The following KRT8 variants were observed in gnomAD, a reference collection of about 807,000 sequenced individuals.
KRT8 encodes keratin 8, also known as keratin, type II cytoskeletal 8.
In KRT8, 24 loss-of-function variants were observed where a neutral mutation model predicts 43.0. The ratio of observed to expected loss-of-function variants is 0.56; its 90% CI spans 0.40 to 0.78. KRT8 has a LOEUF of 0.78. Ranked by LOEUF, KRT8 falls within the 30% of genes least tolerant of loss-of-function variation. The pLI, the probability that KRT8 is intolerant of heterozygous loss-of-function variation, is 0.00. For synonymous variants in KRT8, 214 were observed against 261.2 expected (o/e 0.82, Z 1.74); for missense variants, 492 against 638.4 (o/e 0.77, Z 2.47).
chr12:52,902,490 G>T (rs952471797), intron 1 of KRT8, among the ~76,000 whole-genome samples: 8 of 152,002 alleles, frequency 5.3e-5, no homozygotes, highest in African/African-American at 1.9e-4. Context: ...CCATTCTCCT[G>T]CCCCTGCCTC....
At chr12:52,925,425 A>G (rs1284913754) in intron 2 of KRT8, among the ~76,000 whole-genome samples, 2 of 152,138 alleles carry the variant, frequency 1.3e-5, no homozygotes, top group Non-Finnish European at 2.9e-5. Context: ...GCACTTAGGT[A>G]TGAATGGCGC....
At chr12:52,915,377 A>AG (rs888701446) in intron 2 of KRT8, among the ~76,000 whole-genome samples, 1 of 151,224 alleles carries the variant, frequency 6.6e-6, no homozygotes, top group Non-Finnish European at 1.5e-5. Flanking sequence ...CCATCTCAAA[A>AG]AAAAAAAAAA....
chr12:52,918,266 A>G (rs1305616475), intron 2 of KRT8, among the ~76,000 whole-genome samples: 1 of 151,690 alleles, frequency 6.6e-6, no homozygotes, highest in Non-Finnish European at 1.5e-5. Context: ...GAAACAAAAC[A>G]GAGTCTGCGT....
intron 2 of KRT8, among the ~76,000 whole-genome samples, chr12:52,943,887 T>C (rs1294688246): frequency 1.3e-5 from 2 of 152,142 alleles, no homozygotes; most frequent in Non-Finnish European, 2.9e-5. Context: ...GATCTGGAGA[T>C]AGGTTCTTGG....
chr12:52,925,204 G>A (rs140235021), intron 2 of KRT8, among the ~76,000 whole-genome samples: 103 of 152,336 alleles, frequency 6.8e-4, no homozygotes, highest in Non-Finnish European at 1.3e-3. Flanking sequence ...GACTGAGTAA[G>A]ACAAGGTCAG....
intron 2 of KRT8, among the ~76,000 whole-genome samples, chr12:52,917,708 C>CAA (rs535303270): frequency 3.3e-5 from 1 of 29,956 alleles, no homozygotes; most frequent in Non-Finnish European, 5.7e-5. Context: ...GACTCTGTCT[C>CAA]AAAAAAAAAA....
rs376003217 is a variant in KRT8, at chr12:52,942,105, C to G, written c.-47+7351G>C. Among the ~76,000 whole-genome samples the G allele has an allele frequency of 4.6e-5, 7 of 152,030 alleles. No individual in the cohort carries two copies. In the East Asian group the frequency reaches 1.3e-3, roughly 29 times the overall value. ...ATTATTATTGTCTAGTTGTATTTAT[C>G]TTTGTATTCCCAGGTCACTATTGGT... On this transcript the variant is annotated intron_variant, in intron 2 of 6. Transcript: ENST00000546826.
intron 2 of KRT8, among the ~76,000 whole-genome samples, chr12:52,918,212 A>AAGAAGAAGAAGAAGG (rs1941809797): frequency 2.3e-5 from 3 of 132,792 alleles, no homozygotes; most frequent in Non-Finnish European, 5.0e-5. Flanking sequence ...GAACAAGAAG[A>AAGAAGAAGAAGAAGG]AGAAGAAGAA....
intron 2 of KRT8, among the ~76,000 whole-genome samples, chr12:52,945,724 G>A (rs763785526): frequency 6.6e-6 from 1 of 152,098 alleles, no homozygotes; most frequent in East Asian, 1.9e-4. Flanking sequence ...GACTGATGGT[G>A]GGTGGAGAAC....
chr12:52,944,767 C>A (rs1942318707), intron 2 of KRT8, among the ~76,000 whole-genome samples: 1 of 152,206 alleles, frequency 6.6e-6, no homozygotes, highest in Non-Finnish European at 1.5e-5. Flanking sequence ...AGTGTCAGGG[C>A]ATTCCTCGAC....
chr12:52,917,757 T>C (rs1453195431), intron 2 of KRT8, among the ~76,000 whole-genome samples: 1 of 149,560 alleles, frequency 6.7e-6, no homozygotes, highest in Non-Finnish European at 1.5e-5. Context: ...CAGGTGCCTG[T>C]AGTCCCAGCT....
At chr12:52,949,413 G>A (rs769130435) in intron 2 of KRT8, 35 of 1,612,630 alleles carry the variant, frequency 2.2e-5, no homozygotes, top group Non-Finnish European at 3.0e-5. Context: ...TCCAGAACGA[G>A]AAGGAGACCA....
intron 2 of KRT8, chr12:52,948,619 G>A (rs956702895): frequency 3.9e-6 from 1 of 259,482 alleles, no homozygotes; most frequent in Admixed American, 5.9e-5. Flanking sequence ...AGCCTCCCAA[G>A]TAGCTGAGAC....
At chr12:52,926,556 A>G in intron 2 of KRT8, 1 of 1,123,410 alleles carries the variant, frequency 8.9e-7, no homozygotes, top group Non-Finnish European at 1.3e-6. Flanking sequence ...CCCCAAGAAT[A>G]GGGCTTTGTT....
rs369709312 is a variant in KRT8 at position 52,936,164 on chromosome 12, A to G, written c.-47+13292T>C. ...CTACTCGGGAGGCCGAGGCAGGAGA[A>G]TGGCTTGAACCTGGGAGGCACAGGT... On this transcript the variant is annotated intron_variant, in intron 2 of 6. Transcript: ENST00000546826. 6.6e-5 allele frequency among the ~76,000 whole-genome samples: 10 copies of G among 152,282 alleles called. No individual in the cohort carries two copies. In the East Asian group the frequency reaches 7.7e-4, roughly 12 times the overall value.
At chr12:52,948,487 CTTTT>C (rs1461359904) in intron 2 of KRT8, 1 of 114,742 alleles carries the variant, frequency 8.7e-6, no homozygotes, top group African/African-American at 4.3e-5. Context: ...CCCCAAATTT[CTTTT>C]TTCTTTTTTT....
At chr12:52,948,902 C>A in intron 2 of KRT8, 1 of 432,338 alleles carries the variant, frequency 2.3e-6, no homozygotes, top group South Asian at 8.4e-5. Flanking sequence ...ACCTGCTGTC[C>A]GTGTCCATGC....
chr12:52,928,342 A>G (rs1195149571), intron 2 of KRT8, among the ~76,000 whole-genome samples: 3 of 152,108 alleles, frequency 2.0e-5, no homozygotes, highest in African/African-American at 7.2e-5. Flanking sequence ...AGGAGCCCCC[A>G]GTGCACCACC....
rs767052652 is a variant in KRT8, at chr12:52,901,858, G to A, written c.533+6C>T. ...TTCAGTTGGGTGGAGGGTGGGAGTT[G>A]CTCACTTGTTCTTGAAGTCCTCCAC... On this transcript the variant is annotated splice_donor_region_variant and intron_variant, in intron 2 of 7. Transcript: ENST00000692008. 5.8e-5 allele frequency: 92 copies of A among 1,599,100 alleles called. 1 individual carries two copies. The highest frequency in any genetic ancestry group is 7.6e-5 in the Non-Finnish European group (89 of 1,168,224).
Sources: gnomAD v4.1 joint callset for allele counts (sites outside exome capture counted in the v4.1 genomes callset) on GRCh38, gnomAD v4.1.1 for gene constraint, MANE v1.5 for transcripts, NCBI Gene and HGNC (gene_info 2026-07-23, HGNC 2026-07-21) for gene names.